YAP1: variants seen among roughly 807,000 people sequenced by gnomAD.
The protein encoded by YAP1 is Yes1 associated transcriptional regulator.
Under a neutral mutation model 56.9 loss-of-function variants are expected in YAP1, and 5 were observed. That is an observed-to-expected ratio of 0.09 (90% confidence interval 0.05 to 0.18). YAP1 has a LOEUF of 0.18. Among genes scored for constraint, YAP1 ranks in the 10% least tolerant of loss-of-function variants. YAP1 has a pLI of 1.00. For missense variants in YAP1, 539 were observed against 651.8 expected (o/e 0.83, Z 1.88); for synonymous variants, 265 against 248.1 (o/e 1.07, Z -0.64).
chr11:102,164,511 G>A (rs1034229129), intron 3 of YAP1, among the ~76,000 whole-genome samples: 4 of 151,942 alleles, frequency 2.6e-5, no homozygotes, highest in Admixed American at 6.6e-5. Context: ...AAATTATCTC[G>A]GCAGTTAATG....
At chr11:102,158,674 ATTATTTTTAGTTAT>A (rs1030097630) in intron 2 of YAP1, among the ~76,000 whole-genome samples, 3 of 152,176 alleles carry the variant, frequency 2.0e-5, no homozygotes, top group African/African-American at 7.2e-5. Context: ...TTCTTAGTAT[ATTATTTTTAGTTAT>A]TTATTTTACT....
intron 3 of YAP1, among the ~76,000 whole-genome samples, chr11:102,171,554 G>A (rs1946900632): frequency 6.6e-6 from 1 of 152,178 alleles, no homozygotes; most frequent in African/African-American, 2.4e-5. Flanking sequence ...AAACTTTACA[G>A]AAAGCTAATC....
intron 3 of YAP1, among the ~76,000 whole-genome samples, chr11:102,177,243 T>C (rs1484953736): frequency 6.6e-6 from 1 of 152,094 alleles, no homozygotes; most frequent in Admixed American, 6.5e-5. Context: ...AGCAGTGCTA[T>C]ATAATGCCTG....
At position 102,166,352 on chromosome 11, in the gene YAP1, C is replaced by A. The variant is rs1946609193; in HGVS notation, c.688+3781C>A. The stretch of plus-strand genomic sequence containing the variant: ...TTTCAGTGGAAGCCCATGGTTTTGA[C>A]ATGTTTTGGAATGAATGTCACTGTA... On this transcript the variant is annotated intron_variant, in intron 3 of 8. Transcript: ENST00000282441. Among the ~76,000 whole-genome samples the A allele has an allele frequency of 1.3e-5, 2 of 152,106 alleles. 1 individual carries two copies. Among genetic ancestry groups the A allele is most frequent in the South Asian group, 4.1e-4 (2 of 4,828 alleles).
intron 2 of YAP1, among the ~76,000 whole-genome samples, chr11:102,129,114 C>T (rs916881661): frequency 6.6e-6 from 1 of 151,988 alleles, no homozygotes; most frequent in Non-Finnish European, 1.5e-5. Flanking sequence ...ATAAGTTAAC[C>T]CTGAGATGTG....
intron 2 of YAP1, among the ~76,000 whole-genome samples, chr11:102,156,920 A>G (rs1362042425): frequency 2.6e-5 from 4 of 152,168 alleles, no homozygotes; most frequent in Admixed American, 2.0e-4. Context: ...TTTTGTCAAC[A>G]TGTTTAAGTT....
chr11:102,162,307 C>T (rs1946338971), intron 2 of YAP1, 149 bp from the exon 3 acceptor site: 2 of 596,228 alleles, frequency 3.4e-6, no homozygotes, highest in Non-Finnish European at 6.0e-6. Context: ...ATGTCTGTTG[C>T]AGAGGGAGGC....
At chr11:102,124,278 T>G (rs1298338081) in intron 2 of YAP1, among the ~76,000 whole-genome samples, 2 of 152,196 alleles carry the variant, frequency 1.3e-5, no homozygotes, top group Non-Finnish European at 2.9e-5. Flanking sequence ...GCTTCCAGTT[T>G]GCTAATTGAG....
chr11:102,125,289 T>C (rs1487247572), intron 2 of YAP1, among the ~76,000 whole-genome samples: 4 of 152,020 alleles, frequency 2.6e-5, no homozygotes, highest in Middle Eastern at 3.2e-3. Flanking sequence ...CCCAAAGTGC[T>C]GGGATTACAG....
At position 102,200,043 on chromosome 11, in the gene YAP1, G is replaced by T. The variant is rs77077821; in HGVS notation, c.803-5850G>T. ...GCTATTAAAACATACTACTAAAGTTGTACTTTTGTACATATTGTACATACT... is the reference window on the plus strand; with the variant it reads ...GCTATTAAAACATACTACTAAAGTTTTACTTTTGTACATATTGTACATACT... On this transcript the variant is annotated intron_variant, in intron 4 of 8. Transcript: ENST00000282441. Among the ~76,000 whole-genome samples the T allele has an allele frequency of 2.4e-3, 359 of 152,202 alleles. 8 individuals are homozygous for T. In the East Asian group the frequency reaches 0.046, roughly 19 times the overall value.
intron 6 of YAP1, among the ~76,000 whole-genome samples, chr11:102,213,061 GA>G (rs1949488319): frequency 6.6e-6 from 1 of 152,214 alleles, no homozygotes; most frequent in African/African-American, 2.4e-5. Context: ...GTAAATTGGA[GA>G]GACCTTTTGA....
chr11:102,143,850 T>C (rs1355911071), intron 2 of YAP1, among the ~76,000 whole-genome samples: 1 of 152,258 alleles, frequency 6.6e-6, no homozygotes, highest in East Asian at 1.9e-4. Context: ...AAATTCAAAT[T>C]GACAGTCATT....
chr11:102,162,821 G>A (rs551416123), intron 3 of YAP1, among the ~76,000 whole-genome samples: 8 of 152,190 alleles, frequency 5.3e-5, no homozygotes, highest in African/African-American at 1.7e-4. Context: ...GTTCTGAAGC[G>A]GGTATCTCAA....
intron 2 of YAP1, among the ~76,000 whole-genome samples, chr11:102,159,231 G>T (rs1269186536): frequency 1.1e-4 from 17 of 152,076 alleles, no homozygotes; most frequent in Non-Finnish European, 2.4e-4. Flanking sequence ...TTGACAGGTT[G>T]TGGTGCCGCA....
intron 2 of YAP1, among the ~76,000 whole-genome samples, chr11:102,120,570 T>C (rs1467061409): frequency 6.6e-6 from 1 of 152,210 alleles, no homozygotes; most frequent in Non-Finnish European, 1.5e-5. Flanking sequence ...TGTTAGTCAC[T>C]CGACTATCAA....
intron 1 of YAP1, chr11:102,112,758 C>T: frequency 1.0e-6 from 1 of 985,262 alleles, no homozygotes; most frequent in African/African-American, 1.7e-5. Context: ...ATGCTTTTTT[C>T]TCTTACCCCT....
At chr11:102,181,275 C>T (rs28438856) in intron 3 of YAP1, among the ~76,000 whole-genome samples, 9,761 of 151,688 alleles carry the variant, frequency 0.064, 457 homozygotes, top group South Asian at 0.19. Flanking sequence ...GAAACCCCGT[C>T]TCTACTAAAA....
chr11:102,178,094 C>T (rs1947369086), intron 3 of YAP1, among the ~76,000 whole-genome samples: 3 of 152,088 alleles, frequency 2.0e-5, no homozygotes, highest in African/African-American at 7.2e-5. Context: ...ATAGTACCTC[C>T]ATCGTAGGGT....
intron 2 of YAP1, among the ~76,000 whole-genome samples, chr11:102,149,527 A>G (rs188203158): frequency 6.6e-6 from 1 of 152,368 alleles, no homozygotes; most frequent in African/African-American, 2.4e-5. Flanking sequence ...AAGCTGGCCT[A>G]GCAATTTACA....
Sources: gnomAD v4.1 joint callset for allele counts (sites outside exome capture counted in the v4.1 genomes callset) on GRCh38, gnomAD v4.1.1 for gene constraint, MANE v1.5 for transcripts, NCBI Gene and HGNC (gene_info 2026-07-23, HGNC 2026-07-21) for gene names.